Variants in DNAH11 observed in about 807,000 individuals in gnomAD.
The protein encoded by DNAH11 is axonemal beta dynein heavy chain 11.
In DNAH11, 442 loss-of-function variants were observed where a neutral mutation model predicts 526.0. The observed-to-expected ratio is 0.84, with a 90% CI of 0.78 to 0.91. DNAH11 has a LOEUF of 0.91. DNAH11 is among the 40% of genes least tolerant of loss of function. DNAH11 has a pLI of 0.00. For missense variants in DNAH11, 6,989 were observed against 5,448.7 expected (o/e 1.28, Z -8.90); for synonymous variants, 2,461 against 1,935.9 (o/e 1.27, Z -7.12).
intron 31 of DNAH11, 124 bp from the exon 32 acceptor site, chr7:21,683,660 G>A: frequency 1.9e-6 from 2 of 1,030,462 alleles, no homozygotes; most frequent in Non-Finnish European, 2.7e-6. Context: ...ATTTGCAATA[G>A]CGTGCAAGAG....
At chr7:21,863,958 A>G (rs28378551) in intron 69 of DNAH11, among the ~76,000 whole-genome samples, 1,619 of 152,190 alleles carry the variant, frequency 0.011, 30 homozygotes, top group African/African-American at 0.037. Flanking sequence ...CTTCATTTGT[A>G]CTCTCCAAAA....
In DNAH11 at chr7:21,591,412, G is replaced by T. The variant is rs780817757; in HGVS notation, c.2502G>T (p.Val834=). ...GAGTTGAGCGCACACAGAAAAACGT[G>T]AAGGTGATCCAGCAGACCATGAGGG... ...EHRVERTQKN[V]KVIQQTMRGW... Residue 834 remains valine (V), a synonymous_variant, in exon 14 of 82, where the codon GTG becomes GTT. Coordinates refer to ENST00000409508, the MANE Select transcript of DNAH11 (RefSeq NM_001277115.2). 3 of 1,613,958 alleles carry T rather than the reference G, an allele frequency of 1.9e-6. No homozygotes were observed. In the East Asian group the frequency reaches 6.7e-5, roughly 36 times the overall value.
chr7:21,614,756 A>T (rs1349790392), intron 20 of DNAH11, among the ~76,000 whole-genome samples: 1 of 152,164 alleles, frequency 6.6e-6, no homozygotes, highest in Non-Finnish European at 1.5e-5. Context: ...ATTCATTCTT[A>T]CATGGAAGTT....
rs369273219 is a variant in DNAH11, at chr7:21,600,749, A to G, written c.3074A>G (p.Asn1025Ser). ...EIMNRVVNVINKVLDFRNTLE... is the reference protein window; with the variant it reads ...EIMNRVVNVISKVLDFRNTLE... ...ATGAACAGAGTGGTGAATGTCATCA[A>G]CAAAGTCTTAGATTTCAGAAACACC... The change falls in exon 16 of 82, where the codon AAC becomes AGC. Residue 1025 changes from asparagine (N) to serine (S), a missense_variant. By Grantham distance (46) the Asn-to-Ser change is conservative (BLOSUM62 1). Transcript: ENST00000409508. 28 of 1,613,798 alleles carry G rather than the reference A, an allele frequency of 1.7e-5. 1 individual carries two copies. Among genetic ancestry groups the G allele is most frequent in the African/African-American group, 1.2e-4 (9 of 74,904 alleles).
At chr7:21,722,510 T>G (rs942336668) in intron 44 of DNAH11, among the ~76,000 whole-genome samples, 5 of 152,190 alleles carry the variant, frequency 3.3e-5, no homozygotes, top group Non-Finnish European at 7.3e-5. Context: ...AAATAAATGG[T>G]TGATATAATC....
At chr7:21,752,546 T>C (rs1347048746) in intron 54 of DNAH11, among the ~76,000 whole-genome samples, 2 of 152,222 alleles carry the variant, frequency 1.3e-5, no homozygotes, top group African/African-American at 2.4e-5. Context: ...GTCTTTTAAA[T>C]GTACTTATGG....
At chr7:21,857,621 A>G (rs944252388) in intron 68 of DNAH11, among the ~76,000 whole-genome samples, 1 of 152,170 alleles carries the variant, frequency 6.6e-6, no homozygotes, top group Non-Finnish European at 1.5e-5. Context: ...TACTGGCCTG[A>G]AGAAAAATGC....
intron 70 of DNAH11, 129 bp from the exon 71 acceptor site, chr7:21,866,341 T>G: frequency 1.5e-6 from 1 of 658,954 alleles, no homozygotes; most frequent in Non-Finnish European, 2.3e-6. Flanking sequence ...AAAAAGGAAA[T>G]CTGAAGAGGA....
chr7:21,741,224 T>C (rs56881851), intron 48 of DNAH11, among the ~76,000 whole-genome samples: 7,579 of 152,280 alleles, frequency 0.05, 339 homozygotes, highest in East Asian at 0.27. Context: ...GGCTTTTTTT[T>C]CCACGTAGCT....
At position 21,892,424 on chromosome 7, in the gene DNAH11, G is replaced by C; in HGVS notation, c.12508-1G>C. ...AACTGACTTTTCCTTTGTGGTTCAA[G>C]ACTGAAGATGAACTGATGCTGGCAC... On this transcript the variant is annotated splice_acceptor_variant, in intron 76 of 81. Transcript: ENST00000409508. LOFTEE classifies it high-confidence loss of function. 3 of 1,606,190 alleles carry C rather than the reference G, an allele frequency of 1.9e-6. No individual in the cohort carries two copies. Among genetic ancestry groups the C allele is most frequent in the Non-Finnish European group, 2.6e-6 (3 of 1,174,172 alleles).
At chr7:21,858,580 C>T (rs147786619) in intron 68 of DNAH11, among the ~76,000 whole-genome samples, 462 of 152,202 alleles carry the variant, frequency 3.0e-3, no homozygotes, top group African/African-American at 0.011. Context: ...GATATGTCAC[C>T]AAACGATTAT....
intron 62 of DNAH11, among the ~76,000 whole-genome samples, chr7:21,806,807 A>C (rs1235670185): frequency 6.6e-6 from 1 of 152,200 alleles, no homozygotes; most frequent in Non-Finnish European, 1.5e-5. Flanking sequence ...GTTTTATTCA[A>C]ATCCAATATT....
chr7:21,655,702 T>G (rs1205487675), intron 28 of DNAH11, 130 bp from the exon 29 acceptor site: 7 of 962,704 alleles, frequency 7.3e-6, no homozygotes, highest in Non-Finnish European at 1.0e-5. Flanking sequence ...GACTTTTATT[T>G]TGAGGGAAAA....
In DNAH11 at chr7:21,749,758, A is replaced by T; in HGVS notation, c.8754A>T (p.Leu2918=). Residue 2918 remains leucine, a synonymous_variant, in exon 53 of 82, where the codon CTA becomes CTT. Transcript: ENST00000409508. The part of the protein sequence containing the change: ...TVFLLTDAQV[L]DESFLVLIND... ...TCCTGCTGACAGATGCCCAGGTTCT[A>T]GATGAGAGCTTCCTCGTGCTGATTA... 1 of 1,614,034 alleles carries T rather than the reference A, an allele frequency of 6.2e-7. No homozygotes were observed. Among genetic ancestry groups the T allele is most frequent in the Non-Finnish European group, 8.5e-7 (1 of 1,179,870 alleles).
chr7:21,710,577 T>A lies in DNAH11; in HGVS notation c.6708T>A (p.Gly2236=). The A allele has an allele frequency of 6.2e-7, 1 of 1,611,098 alleles. No individual in the cohort carries two copies. The highest frequency in any genetic ancestry group is 2.2e-5 in the East Asian group (1 of 44,806). Residue 2236 remains glycine (G), a synonymous_variant, in exon 41 of 82, where the codon GGT becomes GGA. Coordinates refer to ENST00000409508, the MANE Select transcript of DNAH11 (RefSeq NM_001277115.2). ...DGKIVYSYFI[G]LFSSILREQA... is the part of the protein sequence containing the mutation. ...GGATTGTTTACTCTTATTTTATAGGTCTCTTCTCATCCATTCTACGAGAAC... is the reference window on the plus strand; with the variant it reads ...GGATTGTTTACTCTTATTTTATAGGACTCTTCTCATCCATTCTACGAGAAC...
At chr7:21,677,971 T>A (rs1782969656) in intron 30 of DNAH11, among the ~76,000 whole-genome samples, 1 of 152,216 alleles carries the variant, frequency 6.6e-6, no homozygotes, top group Non-Finnish European at 1.5e-5. Context: ...TAGATATTAA[T>A]TCCTTATCAG....
chr7:21,670,799 G>T (rs1047012832), intron 30 of DNAH11, among the ~76,000 whole-genome samples: 7 of 152,014 alleles, frequency 4.6e-5, no homozygotes, highest in African/African-American at 9.6e-5. Context: ...GTGAATTTTC[G>T]AAAGTTACGC....
intron 34 of DNAH11, among the ~76,000 whole-genome samples, chr7:21,689,248 C>T (rs1303560881): frequency 1.3e-5 from 2 of 152,128 alleles, no homozygotes; most frequent in Non-Finnish European, 2.9e-5. Context: ...TGATGTAACC[C>T]AGATGTCATT....
At chr7:21,754,098 G>T (rs1484022856) in intron 54 of DNAH11, among the ~76,000 whole-genome samples, 1 of 152,016 alleles carries the variant, frequency 6.6e-6, no homozygotes, top group Non-Finnish European at 1.5e-5. Context: ...CTGTTATTCT[G>T]TTTTTCTGTT....
Sources: allele counts gnomAD v4.1 joint callset (sites outside exome capture counted in the v4.1 genomes callset), GRCh38; gene constraint gnomAD v4.1.1; transcripts MANE v1.5; gene names NCBI Gene and HGNC (gene_info 2026-07-23, HGNC 2026-07-21).